Variants in ALG9 observed in about 807,000 individuals in gnomAD.
The protein encoded by ALG9 is ALG9 alpha-1,2-mannosyltransferase, also known as alpha-1,2-mannosyltransferase ALG9.
In ALG9, 55 loss-of-function variants were observed where a neutral mutation model predicts 81.8. The observed-to-expected ratio is 0.67, with a 90% confidence interval of 0.54 to 0.84. The LOEUF is 0.84. Among genes scored for constraint, ALG9 ranks in the 40% least tolerant of loss-of-function variants. The pLI is 0.00. For missense variants in ALG9, 629 were observed against 745.0 expected, an observed-to-expected ratio of 0.84 and a Z score of 1.81; for synonymous variants, 278 against 274.3, an observed-to-expected ratio of 1.01 and a Z score of -0.13.
chr11:111,821,243 C>T (rs73568472), intron 13 of ALG9, among the ~76,000 whole-genome samples: 1,710 of 152,224 alleles, frequency 0.011, 43 homozygotes, highest in African/African-American at 0.04. Flanking sequence ...TCCCCTTCTG[C>T]TCCACGGGAG....
chr11:111,857,097 A>T (rs1555143834), intron 6 of ALG9, among the ~76,000 whole-genome samples: 2 of 152,160 alleles, frequency 1.3e-5, no homozygotes, highest in African/African-American at 4.8e-5. Context: ...ACAAGAGTGA[A>T]ACTCCGTCTC....
At chr11:111,865,113 A>G (rs1441554941) in intron 4 of ALG9, 68 bp downstream of exon 4, 2 of 1,257,766 alleles carry the variant, frequency 1.6e-6, no homozygotes, top group Non-Finnish European at 1.1e-6. Flanking sequence ...CTAGACTATC[A>G]CAACAGATAA....
intron 8 of ALG9, among the ~76,000 whole-genome samples, chr11:111,847,115 C>T (rs1221225379): frequency 6.6e-6 from 1 of 151,982 alleles, no homozygotes; most frequent in Non-Finnish European, 1.5e-5. Context: ...CCTGTAGGAA[C>T]TAAATCATAG....
chr11:111,776,072 G>A, the ALG9 span, among the ~76,000 whole-genome samples: 2 of 152,216 alleles, frequency 1.3e-5, no homozygotes, highest in African/African-American at 4.8e-5. Context: ...CATTCCTGAC[G>A]TAAGTGGGGC....
intron 13 of ALG9, among the ~76,000 whole-genome samples, chr11:111,811,708 C>T (rs1555091609): frequency 1.3e-5 from 2 of 152,132 alleles, no homozygotes; most frequent in South Asian, 2.1e-4. Flanking sequence ...CACAGATAAA[C>T]CTTAAAAATA....
chr11:111,787,983 C>T (rs1425969800), intron 14 of ALG9, among the ~76,000 whole-genome samples: 5 of 152,192 alleles, frequency 3.3e-5, no homozygotes, highest in African/African-American at 1.2e-4. Flanking sequence ...CAGGAATAGA[C>T]TAACAGGATT....
At chr11:111,844,333 T>C (rs560434212) in intron 9 of ALG9, among the ~76,000 whole-genome samples, 22 of 152,206 alleles carry the variant, frequency 1.4e-4, no homozygotes, top group Non-Finnish European at 2.5e-4. Context: ...ATATTTTTAC[T>C]TCCCTGGGTG....
chr11:111,808,663 G>A (rs981343226), intron 14 of ALG9, among the ~76,000 whole-genome samples: 4 of 152,278 alleles, frequency 2.6e-5, no homozygotes, highest in South Asian at 4.2e-4. Context: ...GGCCCAGTCC[G>A]TTTCTGAGCC....
chr11:111,782,529 A>AGT lies in ALG9; in HGVS notation c.*3867_*3868insAC, dbSNP rs1946033335. The stretch of plus-strand genomic sequence containing the variant: ...TACCCAAGGCATTTAATGTAGGAGC[A>AGT]TAAGAATGCACTGATTAACACGTGA... On this transcript the variant is annotated 3_prime_UTR_variant, in exon 15 of 15. Coordinates refer to ENST00000616540, the MANE Select transcript of ALG9 (RefSeq NM_024740.2). 6.5e-6 allele frequency: 1 copy of AGT among 152,688 alleles called. No homozygotes were observed. Among genetic ancestry groups the AGT allele is most frequent in the African/African-American group, 2.4e-5 (1 of 41,478 alleles). 9.5% of individuals were successfully genotyped at this position (152,688 alleles called of 1,614,324 possible). A position where few individuals can be genotyped will look rare whatever the true frequency, so the allele number is the denominator to read the frequency against.
chr11:111,869,909 T>C (rs1471302150), intron 2 of ALG9, among the ~76,000 whole-genome samples: 3 of 152,086 alleles, frequency 2.0e-5, no homozygotes, highest in African/African-American at 7.2e-5. Flanking sequence ...CCTCCCATGA[T>C]CAAGCATTTC....
chr11:111,855,571 T>G (rs1472542395), intron 6 of ALG9, among the ~76,000 whole-genome samples: 3 of 152,142 alleles, frequency 2.0e-5, no homozygotes, highest in Non-Finnish European at 4.4e-5. Context: ...ACAGACAATT[T>G]TCAGGTTTCT....
At chr11:111,793,478 C>T (rs561508177) in intron 14 of ALG9, among the ~76,000 whole-genome samples, 3 of 152,080 alleles carry the variant, frequency 2.0e-5, no homozygotes, top group Admixed American at 6.5e-5. Flanking sequence ...AAGGAAAGAG[C>T]GGGCCAGGCA....
intron 8 of ALG9, among the ~76,000 whole-genome samples, chr11:111,847,752 C>T (rs1957141047): frequency 6.6e-6 from 1 of 152,122 alleles, no homozygotes; most frequent in Non-Finnish European, 1.5e-5. Flanking sequence ...CTTATCCAAA[C>T]ACTCCTTCTT....
chr11:111,828,104 G>A (rs1432871184), intron 13 of ALG9, among the ~76,000 whole-genome samples: 5 of 150,658 alleles, frequency 3.3e-5, no homozygotes, highest in African/African-American at 1.2e-4. Context: ...TGAGGAAGGG[G>A]AATTGCTTGA....
At chr11:111,827,252 G>A (rs183136025) in intron 13 of ALG9, among the ~76,000 whole-genome samples, 19 of 152,154 alleles carry the variant, frequency 1.2e-4, no homozygotes, top group African/African-American at 2.6e-4. Context: ...TGAGGTGGGC[G>A]GAGCAACTGA....
downstream of ALG9, among the ~76,000 whole-genome samples, chr11:111,778,644 T>C (rs529481580): frequency 2.0e-5 from 3 of 152,030 alleles, no homozygotes; most frequent in Non-Finnish European, 4.4e-5. Flanking sequence ...TTTGGTGTGA[T>C]TGTTAGTCTC....
At chr11:111,795,829 C>T (rs1948194775) in intron 14 of ALG9, among the ~76,000 whole-genome samples, 1 of 152,196 alleles carries the variant, frequency 6.6e-6, no homozygotes, top group African/African-American at 2.4e-5. Context: ...GGGAAAAATG[C>T]TATTAGGCAA....
At chr11:111,829,029 G>A (rs1555111331) in intron 13 of ALG9, 1 of 152,020 alleles carries the variant, frequency 6.6e-6, no homozygotes, top group East Asian at 1.9e-4. Flanking sequence ...TGCCCCATAG[G>A]TCTAAAAGCT....
intron 13 of ALG9, among the ~76,000 whole-genome samples, chr11:111,817,967 CG>C (rs534596665): frequency 2.7e-3 from 403 of 152,074 alleles, no homozygotes; most frequent in Middle Eastern, 0.02. Flanking sequence ...TTAATAGAGA[CG>C]GGATTTCACC....
Sources: gnomAD v4.1 joint callset for allele counts (sites outside exome capture counted in the v4.1 genomes callset) on GRCh38, gnomAD v4.1.1 for gene constraint, MANE v1.5 for transcripts, NCBI Gene and HGNC (gene_info 2026-07-23, HGNC 2026-07-21) for gene names.